The following PLA2G5 variants were observed in gnomAD, a reference collection of about 807,000 sequenced individuals.
PLA2G5 encodes phospholipase A2 group V, also known as Ca2+-dependent phospholipase A2.
A neutral mutation model predicts 15.9 loss-of-function variants in PLA2G5; 12 were observed. The observed-to-expected ratio is 0.76, with a 90% confidence interval of 0.48 to 1.23. The LOEUF (loss-of-function observed/expected upper bound fraction) is 1.23. Among genes scored for constraint, PLA2G5 ranks in the 50% most tolerant of loss-of-function variants. The probability of loss-of-function intolerance (pLI) is 0.00; values close to 1 mark genes in which losing one functional copy is unlikely to be tolerated. For missense variants in PLA2G5, 169 were observed against 177.1 expected (o/e 0.95, Z 0.26); for synonymous variants, 71 against 71.4 (o/e 0.99, Z 0.03).
upstream of PLA2G5, chr1:20,068,956 G>A: frequency 2.3e-6 from 3 of 1,288,620 alleles, no homozygotes; most frequent in Non-Finnish European, 3.0e-6. Context: ...CCGGATGGAA[G>A]TTAGGACAAA....
At chr1:20,086,336 A>G (rs1186240277) in intron 3 of PLA2G5, 109 bp downstream of exon 3, 1 of 1,261,878 alleles carries the variant, frequency 7.9e-7, no homozygotes, top group African/African-American at 1.5e-5. Flanking sequence ...CCATTTTACA[A>G]ATAAGAAAAC....
intron 1 of PLA2G5, among the ~76,000 whole-genome samples, chr1:20,032,413 A>T (rs902775421): frequency 3.3e-5 from 5 of 151,536 alleles, no homozygotes; most frequent in Non-Finnish European, 7.4e-5. Flanking sequence ...TGTATCTATT[A>T]TTGTCAGAAG....
intron 1 of PLA2G5, among the ~76,000 whole-genome samples, chr1:20,058,474 G>T (rs917320547): frequency 2.0e-5 from 3 of 152,094 alleles, no homozygotes; most frequent in Non-Finnish European, 2.9e-5. Context: ...TATTAGTAGG[G>T]TATATCTTTC....
intron 1 of PLA2G5, among the ~76,000 whole-genome samples, chr1:20,084,202 T>C (rs2100612619): frequency 6.6e-6 from 1 of 152,268 alleles, no homozygotes; most frequent in Middle Eastern, 3.4e-3. Context: ...GCTTCACTGC[T>C]GAGCACCTCC....
chr1:20,035,780 A>G (rs555386353), intron 1 of PLA2G5, among the ~76,000 whole-genome samples: 1 of 151,966 alleles, frequency 6.6e-6, no homozygotes, highest in Non-Finnish European at 1.5e-5. Context: ...TTGCCTGAAC[A>G]CCTTGTTTTT....
chr1:20,039,872 C>T (rs1295061495), intron 1 of PLA2G5, among the ~76,000 whole-genome samples: 3 of 152,136 alleles, frequency 2.0e-5, no homozygotes, highest in Non-Finnish European at 4.4e-5. Flanking sequence ...TATAATGTAA[C>T]CGTCTGTAAT....
intron 1 of PLA2G5, among the ~76,000 whole-genome samples, chr1:20,048,582 G>T (rs1557729625): frequency 6.6e-6 from 1 of 152,208 alleles, no homozygotes; most frequent in Non-Finnish European, 1.5e-5. Flanking sequence ...TTTGGGAAAG[G>T]ACTGTTATCA....
chr1:20,077,335 A>C (rs2015742057), intron 1 of PLA2G5, among the ~76,000 whole-genome samples: 4 of 152,178 alleles, frequency 2.6e-5, no homozygotes, highest in Admixed American at 1.3e-4. Flanking sequence ...GGTTATTGGG[A>C]TAGAATATCA....
upstream of PLA2G5, chr1:20,070,072 C>A: frequency 2.7e-6 from 1 of 368,578 alleles, no homozygotes; most frequent in Non-Finnish European, 3.8e-6. Flanking sequence ...AAAGCCGTGA[C>A]CTGGATATTT....
chr1:20,087,422 C>A (rs1001054095), intron 3 of PLA2G5, among the ~76,000 whole-genome samples: 18 of 151,826 alleles, frequency 1.2e-4, no homozygotes, highest in African/African-American at 1.2e-4. Flanking sequence ...GAGACGGAGT[C>A]TTGCTCTGTC....
intron 2 of PLA2G5, among the ~76,000 whole-genome samples, chr1:20,060,009 A>G (rs926276434): frequency 6.6e-6 from 1 of 152,110 alleles, no homozygotes; most frequent in Non-Finnish European, 1.5e-5. Flanking sequence ...AGAATACTGT[A>G]ACCACTAGGG....
intron 1 of PLA2G5, among the ~76,000 whole-genome samples, chr1:20,077,057 A>C (rs2015729693): frequency 6.6e-6 from 1 of 152,268 alleles, no homozygotes; most frequent in African/African-American, 2.4e-5. Flanking sequence ...AGCAAATGAC[A>C]GAGAACAAGT....
At chr1:20,072,244 A>G (rs1172617664) in intron 1 of PLA2G5, among the ~76,000 whole-genome samples, 1 of 152,016 alleles carries the variant, frequency 6.6e-6, no homozygotes, top group Non-Finnish European at 1.5e-5. Context: ...CAAGCTGTAC[A>G]TTTTACTTAT....
chr1:20,040,631 T>C (rs2013539482), intron 1 of PLA2G5, among the ~76,000 whole-genome samples: 1 of 151,718 alleles, frequency 6.6e-6, no homozygotes, highest in Admixed American at 6.6e-5. Context: ...TTTACTCAAA[T>C]GATGAATTCA....
At chr1:20,054,244 A>T (rs1409095163) in intron 1 of PLA2G5, among the ~76,000 whole-genome samples, 4 of 152,298 alleles carry the variant, frequency 2.6e-5, no homozygotes, top group Middle Eastern at 3.4e-3. Context: ...ATTACCCCAC[A>T]TCCTTTGCTA....
chr1:20,056,421 T>C (rs74577269), intron 1 of PLA2G5, among the ~76,000 whole-genome samples: 2 of 152,132 alleles, frequency 1.3e-5, no homozygotes, highest in Non-Finnish European at 2.9e-5. Flanking sequence ...TTTTAAATCA[T>C]GAATAAATGC....
At chr1:20,065,678 T>C (rs191447836), upstream of PLA2G5, among the ~76,000 whole-genome samples, 2 of 152,370 alleles carry the variant, frequency 1.3e-5, no homozygotes, top group Non-Finnish European at 2.9e-5. Context: ...TACATTCATC[T>C]ATTGAAAACT....
chr1:20,085,685 A>G (rs774918358), intron 2 of PLA2G5, among the ~76,000 whole-genome samples: 4 of 152,156 alleles, frequency 2.6e-5, no homozygotes, highest in Non-Finnish European at 5.9e-5. Flanking sequence ...ATTACACCTT[A>G]TATGTCATGG....
chr1:20,088,408 TGGG>T (rs914026178), intron 3 of PLA2G5, among the ~76,000 whole-genome samples: 36 of 148,292 alleles, frequency 2.4e-4, no homozygotes, highest in African/African-American at 8.6e-4. Flanking sequence ...GGATCCCCAG[TGGG>T]ATCCTGGGAC....
Sources: gnomAD v4.1 joint callset for allele counts (sites outside exome capture counted in the v4.1 genomes callset) on GRCh38, gnomAD v4.1.1 for gene constraint, MANE v1.5 for transcripts, NCBI Gene and HGNC (gene_info 2026-07-23, HGNC 2026-07-21) for gene names.